PDE10A: variants seen among roughly 807,000 people sequenced by gnomAD.
PDE10A encodes cAMP and cAMP-inhibited cGMP 3',5'-cyclic phosphodiesterase 10A.
PDE10A carries 39 observed loss-of-function variants against 97.7 expected under a neutral mutation model. That is an observed-to-expected ratio of 0.40 (90% CI 0.31 to 0.52). The LOEUF (loss-of-function observed/expected upper bound fraction) is 0.52, where lower values mean the gene tolerates loss of function less well. Among genes scored for constraint, PDE10A ranks in the 20% least tolerant of loss-of-function variants. The pLI is 0.56. For synonymous variants in PDE10A, 371 were observed against 376.8 expected (o/e 0.98, Z 0.18); for missense variants, 731 against 1,047.8 (o/e 0.70, Z 4.17).
intron 1 of PDE10A, among the ~76,000 whole-genome samples, chr6:165,610,404 G>A (rs1396878683): frequency 7.9e-5 from 12 of 152,016 alleles, no homozygotes; most frequent in Admixed American, 1.3e-4. Flanking sequence ...GGTGGCAGGC[G>A]CCTGTAGTCC....
intron 1 of PDE10A, among the ~76,000 whole-genome samples, chr6:165,759,779 G>A (rs1172610251): frequency 6.6e-6 from 1 of 152,190 alleles, no homozygotes; most frequent in Non-Finnish European, 1.5e-5. Flanking sequence ...CCCACCCAAA[G>A]TAGTTTACAG....
At chr6:165,603,054 A>C (rs1412962180) in intron 1 of PDE10A, among the ~76,000 whole-genome samples, 1 of 152,236 alleles carries the variant, frequency 6.6e-6, no homozygotes, top group Non-Finnish European at 1.5e-5. Flanking sequence ...GTAAAAATAA[A>C]TTTTATTTTT....
chr6:165,628,323 G>A (rs897314047), intron 1 of PDE10A, among the ~76,000 whole-genome samples: 16 of 151,908 alleles, frequency 1.1e-4, no homozygotes, highest in African/African-American at 3.6e-4. Flanking sequence ...AAAATAGAGC[G>A]AGCATGCACT....
rs535239044 is a variant in PDE10A, at chr6:165,671,941, G to A, written c.-614-128373C>T. On this transcript the variant is annotated intron_variant, in intron 1 of 19. Coordinates refer to the PDE10A transcript ENST00000366882. This position sits in a 1 kb window ranked among gnomAD's most constrained non-coding sequence, Gnocchi z 4.6. The stretch of plus-strand genomic sequence containing the variant: ...TAGCGAAGTTATTAATATATGCCAT[G>A]AAACTCTATCCCATCTGTTTTCAGT... 6.6e-6 allele frequency among the ~76,000 whole-genome samples: 1 copy of A among 152,276 alleles called. No homozygotes were observed. The highest frequency in any genetic ancestry group is 2.1e-4 in the South Asian group (1 of 4,826).
At chr6:165,906,808 G>A (rs1286645353) in intron 1 of PDE10A, among the ~76,000 whole-genome samples, 4 of 152,226 alleles carry the variant, frequency 2.6e-5, no homozygotes, top group South Asian at 2.1e-4. Flanking sequence ...CACTGAAGAA[G>A]CCCAGTCCCT....
At chr6:165,814,936 G>T (rs2128467948) in intron 1 of PDE10A, among the ~76,000 whole-genome samples, 1 of 152,180 alleles carries the variant, frequency 6.6e-6, no homozygotes, top group African/African-American at 2.4e-5. Flanking sequence ...ATCCCCAGAT[G>T]ATCCCTGGCC....
At chr6:165,633,787 C>T (rs1013367692) in intron 1 of PDE10A, among the ~76,000 whole-genome samples, 3 of 82,630 alleles carry the variant, frequency 3.6e-5, no homozygotes, top group African/African-American at 1.3e-4. Flanking sequence ...ACCACCACGC[C>T]GGGCTAATTT....
At chr6:165,897,405 A>G (rs1419287077) in intron 1 of PDE10A, among the ~76,000 whole-genome samples, 1 of 152,016 alleles carries the variant, frequency 6.6e-6, no homozygotes, top group Non-Finnish European at 1.5e-5. Context: ...GGGAGTGGGC[A>G]CCATCCAGTA....
chr6:165,820,109 T>C (rs11753721), intron 1 of PDE10A, among the ~76,000 whole-genome samples: 40,803 of 152,150 alleles, frequency 0.27, 5,459 homozygotes, highest in African/African-American at 0.29. Context: ...ATGTTTCTGA[T>C]ACACTAAAAA....
chr6:165,391,024 G>A (rs184421854), intron 16 of PDE10A, among the ~76,000 whole-genome samples: 5 of 152,046 alleles, frequency 3.3e-5, no homozygotes, highest in South Asian at 4.2e-4. Flanking sequence ...TGCACAATAC[G>A]TAAAAGTTAT....
At chr6:165,627,819 C>CT (rs1273333495) in intron 1 of PDE10A, among the ~76,000 whole-genome samples, 3 of 152,214 alleles carry the variant, frequency 2.0e-5, no homozygotes, top group Admixed American at 2.0e-4. Flanking sequence ...GCAACTGTAC[C>CT]TATCAGAGCA....
chr6:165,639,048 G>A (rs1245904809), intron 1 of PDE10A, among the ~76,000 whole-genome samples: 1 of 149,310 alleles, frequency 6.7e-6, no homozygotes, highest in African/African-American at 2.5e-5. Context: ...AGGAAGGAGG[G>A]AGGGAGGGAG....
chr6:165,623,504 G>GAA (rs1554297251), intron 1 of PDE10A, among the ~76,000 whole-genome samples: 2 of 120,190 alleles, frequency 1.7e-5, no homozygotes, highest in African/African-American at 3.3e-5. Flanking sequence ...GGGAGAGAGA[G>GAA]AGAGAAAAAA....
intron 1 of PDE10A, chr6:165,894,746 TA>T (rs1171251455): frequency 3.0e-6 from 1 of 329,592 alleles, no homozygotes; most frequent in Non-Finnish European, 6.0e-6. Context: ...TATGTGTTCA[TA>T]TTGTGTTATA....
chr6:165,880,044 G>A (rs912153734), intron 1 of PDE10A, among the ~76,000 whole-genome samples: 4 of 151,946 alleles, frequency 2.6e-5, no homozygotes, highest in African/African-American at 9.7e-5. Context: ...ATTACCTATT[G>A]GAAAGTAAAG....
intron 1 of PDE10A, among the ~76,000 whole-genome samples, chr6:165,810,895 GT>G (rs1779264519): frequency 6.6e-6 from 1 of 151,872 alleles, no homozygotes; most frequent in Admixed American, 6.6e-5. Flanking sequence ...TTTCTAAGGT[GT>G]TTTCTTAATT....
intron 18 of PDE10A, among the ~76,000 whole-genome samples, chr6:165,372,356 A>T (rs1346825839): frequency 2.7e-5 from 4 of 149,722 alleles, no homozygotes; most frequent in Non-Finnish European, 1.5e-5. Flanking sequence ...AATCTCCTTA[A>T]GCTGATAAGC....
At chr6:165,964,139 T>G (rs1182294665) in intron 1 of PDE10A, among the ~76,000 whole-genome samples, 1 of 152,200 alleles carries the variant, frequency 6.6e-6, no homozygotes, top group African/African-American at 2.4e-5. Context: ...CCTATAATAT[T>G]TAACCCACTT....
intron 1 of PDE10A, among the ~76,000 whole-genome samples, chr6:165,645,964 C>T (rs537198022): frequency 5.8e-4 from 88 of 152,108 alleles, no homozygotes; most frequent in Non-Finnish European, 1.1e-3. Context: ...GAGGACAATG[C>T]CCTTATATAA....
Sources: allele counts gnomAD v4.1 joint callset (sites outside exome capture counted in the v4.1 genomes callset), GRCh38; gene constraint gnomAD v4.1.1; non-coding constraint Gnocchi (gnomAD v3.1); transcripts MANE v1.5; gene names NCBI Gene and HGNC (gene_info 2026-07-23, HGNC 2026-07-21).